The following DLGAP2 variants were observed in gnomAD, a reference collection of about 807,000 sequenced individuals.
DLGAP2 encodes the protein DLG associated protein 2.
Under a neutral mutation model 100.3 loss-of-function variants are expected in DLGAP2, and 26 were observed. The ratio of observed to expected loss-of-function variants is 0.26; its 90% CI spans 0.19 to 0.36. DLGAP2 has a LOEUF of 0.36. DLGAP2 is among the 10% of genes least tolerant of loss of function. The pLI is 1.00. For missense variants in DLGAP2, 1,858 were observed against 1,453.2 expected, an observed-to-expected ratio of 1.28 and a Z score of -4.53; for synonymous variants, 886 against 630.1, an observed-to-expected ratio of 1.41 and a Z score of -6.08.
At chr8:1,408,141 T>C (rs1796625942) in intron 3 of DLGAP2, among the ~76,000 whole-genome samples, 1 of 152,250 alleles carries the variant, frequency 6.6e-6, no homozygotes, top group South Asian at 2.1e-4. Context: ...GGTCTCTGGC[T>C]CACTCTTTCT....
intron 3 of DLGAP2, among the ~76,000 whole-genome samples, chr8:1,274,273 A>C (rs1003754997): frequency 1.3e-5 from 2 of 152,150 alleles, no homozygotes; most frequent in African/African-American, 4.8e-5. Flanking sequence ...CCATAAGTGT[A>C]CTGGAATGAC....
intron 1 of DLGAP2, among the ~76,000 whole-genome samples, chr8:773,103 T>A (rs1821409820): frequency 6.6e-6 from 1 of 152,180 alleles, no homozygotes; most frequent in African/African-American, 2.4e-5. Context: ...CCCTGGAGCC[T>A]GGGAGGCCTG....
chr8:1,252,004 GGTGT>G (rs2116882742), intron 2 of DLGAP2, among the ~76,000 whole-genome samples: 1 of 151,894 alleles, frequency 6.6e-6, no homozygotes, highest in South Asian at 2.1e-4. Context: ...TTGTCACGTG[GGTGT>G]GTTGTGTTGT....
At chr8:1,545,705 C>T (rs62484071) in intron 4 of DLGAP2, among the ~76,000 whole-genome samples, 1 of 152,208 alleles carries the variant, frequency 6.6e-6, no homozygotes, top group East Asian at 1.9e-4. Flanking sequence ...TTTTAAAGTA[C>T]ATGTTTCCAT....
intron 1 of DLGAP2, among the ~76,000 whole-genome samples, chr8:813,116 A>G (rs1796401279): frequency 6.6e-6 from 1 of 152,206 alleles, no homozygotes; most frequent in South Asian, 2.1e-4. Flanking sequence ...TGTTATTTTC[A>G]ATCAGTAATA....
At chr8:993,920 G>T (rs117882877) in intron 2 of DLGAP2, among the ~76,000 whole-genome samples, 1 of 150,052 alleles carries the variant, frequency 6.7e-6, no homozygotes, top group Non-Finnish European at 1.5e-5. Flanking sequence ...TCTAATAGCA[G>T]ATCCCGGCTG....
At chr8:1,559,028 C>G (rs1262480566) in intron 5 of DLGAP2, among the ~76,000 whole-genome samples, 1 of 152,194 alleles carries the variant, frequency 6.6e-6, no homozygotes, top group East Asian at 1.9e-4. Flanking sequence ...GGCTTTGCAG[C>G]TTGGAAGAAA....
Position 1,457,281 on chromosome 8 carries a change from G to A in DLGAP2, c.107-44085G>A, listed in dbSNP as rs143603538. Among the ~76,000 whole-genome samples the A allele has an allele frequency of 7.8e-3, 1,191 of 152,236 alleles. 9 individuals carry two copies. Among genetic ancestry groups the A allele is most frequent in the Middle Eastern group, 0.048 (14 of 294 alleles). On this transcript the variant is annotated intron_variant, in intron 3 of 14. Coordinates refer to ENST00000637795, the MANE Select transcript of DLGAP2 (RefSeq NM_001346810.2). ...CAAGTTATAGTCATAATTCATCGAC[G>A]TGTTCGATGGCTGGCAACCACAGAA...
At chr8:1,110,570 A>G (rs1804921847) in intron 2 of DLGAP2, among the ~76,000 whole-genome samples, 1 of 151,838 alleles carries the variant, frequency 6.6e-6, no homozygotes, top group South Asian at 2.1e-4. Context: ...CGTGCCTGTG[A>G]AGTGTGCATG....
intron 2 of DLGAP2, among the ~76,000 whole-genome samples, chr8:1,007,069 G>A (rs547528947): frequency 8.6e-5 from 13 of 151,244 alleles, no homozygotes; most frequent in African/African-American, 3.2e-4. Flanking sequence ...CCTTGTGTCT[G>A]AAGTCTCAGA....
At chr8:985,090 G>T (rs960049975) in intron 2 of DLGAP2, among the ~76,000 whole-genome samples, 1 of 152,302 alleles carries the variant, frequency 6.6e-6, no homozygotes, top group Non-Finnish European at 1.5e-5. Flanking sequence ...ATGTTTCCAC[G>T]TAGTCATATC....
At chr8:744,857 C>T (rs758873400) in intron 1 of DLGAP2, among the ~76,000 whole-genome samples, 5 of 152,198 alleles carry the variant, frequency 3.3e-5, no homozygotes, top group African/African-American at 1.2e-4. Flanking sequence ...TCCCCGGCCC[C>T]GATGCCTGAG....
intron 3 of DLGAP2, among the ~76,000 whole-genome samples, chr8:1,337,920 C>T (rs573231518): frequency 6.6e-6 from 1 of 152,290 alleles, no homozygotes; most frequent in South Asian, 2.1e-4. Flanking sequence ...TGCAAATGTT[C>T]CACTAAGTAC....
At chr8:1,455,354 C>T (rs1345123382) in intron 3 of DLGAP2, among the ~76,000 whole-genome samples, 3 of 152,226 alleles carry the variant, frequency 2.0e-5, no homozygotes, top group Non-Finnish European at 4.4e-5. Flanking sequence ...GGGCCAAGGC[C>T]GCTGCAGACT....
chr8:1,013,673 G>C (rs1245035009), intron 2 of DLGAP2, among the ~76,000 whole-genome samples: 3 of 114,538 alleles, frequency 2.6e-5, no homozygotes, highest in African/African-American at 1.3e-4. Context: ...CCTCCACTGT[G>C]TGAGACCAGG....
At chr8:993,599 A>T (rs1030818778) in intron 2 of DLGAP2, among the ~76,000 whole-genome samples, 2 of 151,768 alleles carry the variant, frequency 1.3e-5, no homozygotes, top group Non-Finnish European at 2.9e-5. Context: ...GTGTTCTCCT[A>T]TTGCTGATGC....
chr8:1,056,118 G>A (rs1802875885), intron 2 of DLGAP2, among the ~76,000 whole-genome samples: 1 of 152,196 alleles, frequency 6.6e-6, no homozygotes, highest in South Asian at 2.1e-4. Context: ...GCAATTCAGT[G>A]TAACACTGGA....
chr8:960,556 C>G (rs1272596730), intron 2 of DLGAP2, among the ~76,000 whole-genome samples: 1 of 151,988 alleles, frequency 6.6e-6, no homozygotes, highest in African/African-American at 2.4e-5. Flanking sequence ...CTTCTGTGAT[C>G]GTAAATCTCC....
intron 1 of DLGAP2, among the ~76,000 whole-genome samples, chr8:894,232 T>G (rs549225320): frequency 6.6e-6 from 1 of 152,170 alleles, no homozygotes; most frequent in Admixed American, 6.5e-5. Context: ...ACGGAATGAG[T>G]GATCTTTGTG....
Sources: gnomAD v4.1 joint callset for allele counts (sites outside exome capture counted in the v4.1 genomes callset) on GRCh38, gnomAD v4.1.1 for gene constraint, MANE v1.5 for transcripts, NCBI Gene and HGNC (gene_info 2026-07-23, HGNC 2026-07-21) for gene names.